NPEPPS: variants seen among roughly 807,000 people sequenced by gnomAD.
NPEPPS encodes the protein aminopeptidase puromycin sensitive.
A neutral mutation model predicts 115.5 loss-of-function variants in NPEPPS; 14 were observed. That is an observed-to-expected ratio of 0.12 (90% CI 0.08 to 0.19). The LOEUF (loss-of-function observed/expected upper bound fraction) is 0.19. NPEPPS is among the 10% of genes least tolerant of loss of function. The probability of loss-of-function intolerance (pLI) is 1.00; values close to 1 mark genes in which losing one functional copy is unlikely to be tolerated. For synonymous variants in NPEPPS, 285 were observed against 390.6 expected, an observed-to-expected ratio of 0.73 and a Z score of 3.19; for missense variants, 523 against 1,110.8, an observed-to-expected ratio of 0.47 and a Z score of 7.52.
chr17:47,531,637 G>C (rs1338789734), intron 1 of NPEPPS, 82 bp downstream of exon 1: 29 of 1,418,202 alleles, frequency 2.0e-5, no homozygotes, highest in Non-Finnish European at 2.3e-5. Context: ...GGGCCCGGCC[G>C]GGAGGGCGGG....
intron 17 of NPEPPS, among the ~76,000 whole-genome samples, chr17:47,611,569 C>G (rs569011891): frequency 6.6e-6 from 1 of 152,174 alleles, no homozygotes; most frequent in South Asian, 2.1e-4. Context: ...AGCTCCTGGG[C>G]TCAAGCGATC....
intron 16 of NPEPPS, 156 bp downstream of exon 16, chr17:47,604,205 A>G (rs1913394273): frequency 1.8e-6 from 1 of 560,824 alleles, no homozygotes. Context: ...TAATATGACA[A>G]GATTGAGGCT....
chr17:47,590,159 G>C (rs1171513003), intron 9 of NPEPPS, among the ~76,000 whole-genome samples: 2 of 152,160 alleles, frequency 1.3e-5, no homozygotes, highest in African/African-American at 4.8e-5. Flanking sequence ...TGGTGCCCCT[G>C]CCACTCCAGC....
Position 47,525,172 on chromosome 17 carries a change from G to A in NPEPPS, c.77+2109G>A, listed in dbSNP as rs141439078. 1.3e-3 allele frequency among the ~76,000 whole-genome samples: 196 copies of A among 152,206 alleles called. 4 individuals carry two copies. The East Asian group carries it at 0.032, about 25-fold the overall frequency. On this transcript the variant is annotated intron_variant, in intron 1 of 5. Transcript: ENST00000525007. Reference sequence around the variant, plus strand: ...ATCCAGTCATATTTAAGGGAACTGTGTGTTACCTTCCATTCCTCTAGCCCA... The same window carrying A: ...ATCCAGTCATATTTAAGGGAACTGTATGTTACCTTCCATTCCTCTAGCCCA...
chr17:47,531,041 A>C (rs1210142501), upstream of NPEPPS: 27 of 269,422 alleles, frequency 1.0e-4, no homozygotes, highest in Non-Finnish European at 1.4e-4. Flanking sequence ...CCCTCTGCCC[A>C]GGCGTGCGCG....
intron 3 of NPEPPS, among the ~76,000 whole-genome samples, chr17:47,571,791 T>C (rs1399725502): frequency 6.6e-6 from 1 of 152,136 alleles, no homozygotes. Context: ...GAATATAATT[T>C]GAAAAGGAAG....
chr17:47,550,836 A>C (rs1909597539), intron 2 of NPEPPS, among the ~76,000 whole-genome samples: 1 of 151,912 alleles, frequency 6.6e-6, no homozygotes. Flanking sequence ...CATGTTGGCC[A>C]GCCTGGTCTC....
chr17:47,560,699 A>G (rs1158962435), intron 2 of NPEPPS, among the ~76,000 whole-genome samples: 1 of 152,194 alleles, frequency 6.6e-6, no homozygotes, highest in African/African-American at 2.4e-5. Flanking sequence ...GAAACAAAGT[A>G]TGTTCCAAGT....
At chr17:47,573,786 G>A (rs1911341581) in intron 3 of NPEPPS, among the ~76,000 whole-genome samples, 1 of 152,212 alleles carries the variant, frequency 6.6e-6, no homozygotes, top group Non-Finnish European at 1.5e-5. Flanking sequence ...GAAATTGATT[G>A]CTTCTTAGGG....
At chr17:47,522,942 T>C (rs2143625449) in exon 1 of NPEPPS, 1 of 1,360,536 alleles carries the variant, frequency 7.4e-7, no homozygotes, top group African/African-American at 1.6e-5. Flanking sequence ...CAACTGTCAT[T>C]TCAACAGCCA....
At chr17:47,603,751 C>CACAGACTTGTGTGAA (rs1913367783) in intron 15 of NPEPPS, 164 bp from the exon 16 acceptor site, 11 of 498,322 alleles carry the variant, frequency 2.2e-5, no homozygotes, top group Non-Finnish European at 3.0e-5. Context: ...TGCATTCATT[C>CACAGACTTGTGTGAA]TGTCTTGATG....
intron 12 of NPEPPS, chr17:47,596,114 C>T (rs1201862126): frequency 3.1e-6 from 1 of 325,424 alleles, no homozygotes; most frequent in Non-Finnish European, 5.8e-6. Flanking sequence ...GATTATGCCA[C>T]TGCACTCTAG....
At chr17:47,526,696 C>A (rs1373694498), upstream of NPEPPS, among the ~76,000 whole-genome samples, 1 of 152,078 alleles carries the variant, frequency 6.6e-6, no homozygotes. Context: ...CGGTGGCTCA[C>A]GCCTGTAATC....
At chr17:47,536,388 C>CTTTTTT (rs749380530) in intron 1 of NPEPPS, among the ~76,000 whole-genome samples, 15 of 69,936 alleles carry the variant, frequency 2.1e-4, no homozygotes, top group Admixed American at 5.1e-4. Flanking sequence ...TATTTTCTCT[C>CTTTTTT]TTTTTTTTTT....
chr17:47,546,257 C>CAG (rs2143714127), intron 2 of NPEPPS, among the ~76,000 whole-genome samples: 1 of 152,034 alleles, frequency 6.6e-6, no homozygotes, highest in East Asian at 1.9e-4. Flanking sequence ...GAAACAAAAA[C>CAG]AAACAAACAA....
chr17:47,550,636 T>A (rs1337203041), intron 2 of NPEPPS, among the ~76,000 whole-genome samples: 1 of 146,932 alleles, frequency 6.8e-6, no homozygotes, highest in Admixed American at 6.8e-5. Flanking sequence ...ATATAATTTT[T>A]TTTTTTTTTT....
At chr17:47,547,114 A>G (rs1243239996) in intron 2 of NPEPPS, among the ~76,000 whole-genome samples, 1 of 152,218 alleles carries the variant, frequency 6.6e-6, no homozygotes, top group Non-Finnish European at 1.5e-5. Context: ...TGAAGATTAG[A>G]AGCTAAATAA....
rs534500954 is a variant in NPEPPS at position 47,547,352 on chromosome 17, C to CT, written c.340+1373dup. Among the ~76,000 whole-genome samples, 921 of 143,682 alleles carry CT rather than the reference C, an allele frequency of 6.4e-3. 9 individuals are homozygous for CT. The highest frequency in any genetic ancestry group is 0.018 in the African/African-American group (718 of 39,586). The allele number at this position is 143,682 out of a possible 152,430, so 94.3% of individuals were successfully genotyped here. A position where few individuals can be genotyped will look rare whatever the true frequency, so the allele number is the denominator to read the frequency against. On this transcript the variant is annotated intron_variant, in intron 2 of 22. Transcript: ENST00000322157. ...AGTATTGGAGCTGGATTGCTTTTTACTTTTTTTTTTTTTTGAGAGAGTCTC... is the reference window on the plus strand; with the variant it reads ...AGTATTGGAGCTGGATTGCTTTTTACTTTTTTTTTTTTTTTGAGAGAGTCTC...
chr17:47,550,923 C>T lies in NPEPPS; in HGVS notation c.340+4930C>T, dbSNP rs532148109. ...ATTACCAGGCATGAGCCACCACGCC[C>T]GGCCCAGTTATACCAGATATAAGCA... On this transcript the variant is annotated intron_variant, in intron 2 of 22. Transcript: ENST00000322157. Among the ~76,000 whole-genome samples, 8 of 152,140 alleles carry T rather than the reference C, an allele frequency of 5.3e-5. No individual in the cohort carries two copies. The South Asian group carries it at 6.2e-4, about 12-fold the overall frequency.
Sources: allele counts gnomAD v4.1 joint callset (sites outside exome capture counted in the v4.1 genomes callset), GRCh38; gene constraint gnomAD v4.1.1; transcripts MANE v1.5; gene names NCBI Gene and HGNC (gene_info 2026-07-23, HGNC 2026-07-21).